The following EFHC2 variants were observed in gnomAD, a reference collection of about 807,000 sequenced individuals.
EFHC2 encodes EF-hand domain-containing family member C2.
A neutral mutation model predicts 52.7 loss-of-function variants in EFHC2; 18 were observed. The ratio of observed to expected loss-of-function variants is 0.34; its 90% CI spans 0.24 to 0.51. EFHC2 has a LOEUF of 0.51. Among genes scored for constraint, EFHC2 ranks in the 20% least tolerant of loss-of-function variants. EFHC2 has a pLI of 0.97. For missense variants in EFHC2, 513 were observed against 562.5 expected, an observed-to-expected ratio of 0.91 and a Z score of 0.89; for synonymous variants, 203 against 204.1, an observed-to-expected ratio of 0.99 and a Z score of 0.04.
chrX:44,229,776 G>C lies in EFHC2; in HGVS notation c.1624C>G (p.Pro542Ala). The change falls in exon 11 of 15, where the codon CCT becomes GCT. Residue 542 changes from proline to alanine, a missense_variant. Physicochemically the swap from Pro to Ala is conservative, Grantham distance 27. Coordinates refer to ENST00000420999, the MANE Select transcript of EFHC2 (RefSeq NM_025184.4). The stretch of plus-strand genomic sequence containing the variant: ...AGGGCAAGTTTGAGGTTACTGAAAG[G>C]ATACTGTAAGGGGGAAATGAAAGGA... ...NYMEQNTDKY[P>A]FSNLKLALQK... 8.3e-7 allele frequency: 1 copy of C among 1,207,560 alleles called. No homozygotes were observed. Among genetic ancestry groups the C allele is most frequent in the Non-Finnish European group, 1.1e-6 (1 of 893,447 alleles).
At chrX:44,278,604 G>A (rs546815562) in intron 2 of EFHC2, among the ~76,000 whole-genome samples, 1 of 111,187 alleles carries the variant, frequency 9.0e-6, no homozygotes, top group South Asian at 3.9e-4. Context: ...ATAACACCTA[G>A]GAAGGTCATT....
At chrX:44,300,251 G>A (rs886434204) in intron 2 of EFHC2, among the ~76,000 whole-genome samples, 4 of 111,099 alleles carry the variant, frequency 3.6e-5, no homozygotes, top group Admixed American at 1.9e-4. Context: ...CCTAATTTGT[G>A]AACTAAAATC....
chrX:44,195,598 T>G (rs754877770), intron 11 of EFHC2, among the ~76,000 whole-genome samples: 21 of 112,056 alleles, frequency 1.9e-4, no homozygotes, highest in Admixed American at 1.8e-3. Flanking sequence ...CAAACCCCAG[T>G]GTTAAGCTGG....
chrX:44,201,901 T>C (rs1017809118), intron 11 of EFHC2, among the ~76,000 whole-genome samples: 3 of 111,235 alleles, frequency 2.7e-5, no homozygotes, highest in Non-Finnish European at 5.7e-5. Flanking sequence ...CTAAAGAAAA[T>C]ATCTGCATCT....
chrX:44,319,823 A>G (rs779002714), intron 1 of EFHC2, among the ~76,000 whole-genome samples: 1 of 112,808 alleles, frequency 8.9e-6, no homozygotes, highest in South Asian at 3.6e-4. Context: ...ATGTAGATAC[A>G]TTTTTTAAAT....
In EFHC2 at chrX:44,309,756, T is replaced by C. The variant is rs938258944; in HGVS notation, c.231+2812A>G. 6.1e-6 allele frequency: 6 copies of C among 982,406 alleles called. No homozygotes were observed. The East Asian group carries it at 1.2e-4, about 20-fold the overall frequency. The allele number at this position is 982,406 out of a possible 1,213,427, so 81.0% of individuals were successfully genotyped here. A position where few individuals can be genotyped will look rare whatever the true frequency, so the allele number is the denominator to read the frequency against. ...CTCGTTTCTTGAGCCAGAATATCGA[T>C]GCAAAAGAACCAGAAAAGAAGATGC... On this transcript the variant is annotated intron_variant, in intron 2 of 14. Coordinates refer to ENST00000420999, the MANE Select transcript of EFHC2 (RefSeq NM_025184.4).
At chrX:44,258,630 A>G (rs2037512252) in intron 4 of EFHC2, among the ~76,000 whole-genome samples, 1 of 110,634 alleles carries the variant, frequency 9.0e-6, no homozygotes, top group Non-Finnish European at 1.9e-5. Flanking sequence ...AGGCAGGTGG[A>G]TCACGAGGTC....
At chrX:44,320,537 C>G (rs1422558864) in intron 1 of EFHC2, among the ~76,000 whole-genome samples, 1 of 111,516 alleles carries the variant, frequency 9.0e-6, no homozygotes, top group African/African-American at 3.3e-5. Flanking sequence ...TCCATATTCA[C>G]GTGGGTCCTA....
intron 11 of EFHC2, among the ~76,000 whole-genome samples, chrX:44,225,259 A>C (rs1364677085): frequency 8.2e-5 from 9 of 110,140 alleles, no homozygotes; most frequent in Admixed American, 4.8e-4. Context: ...TTAAAAAAAA[A>C]AAAAACAAAA....
intron 2 of EFHC2, among the ~76,000 whole-genome samples, chrX:44,287,797 C>T (rs1211438937): frequency 8.9e-6 from 1 of 112,227 alleles, no homozygotes; most frequent in Non-Finnish European, 1.9e-5. Flanking sequence ...TCCAGAGTCA[C>T]AGAGCCTCTC....
chrX:44,179,059 G>A (rs2036813179), intron 11 of EFHC2, among the ~76,000 whole-genome samples: 1 of 108,081 alleles, frequency 9.3e-6, no homozygotes, highest in African/African-American at 3.4e-5. Flanking sequence ...ACACACCCTG[G>A]CAGTGAGAAA....
At chrX:44,168,739 A>G (rs1254714832) in intron 13 of EFHC2, among the ~76,000 whole-genome samples, 1 of 110,077 alleles carries the variant, frequency 9.1e-6, no homozygotes, top group South Asian at 3.9e-4. Context: ...CTAGAATACC[A>G]GTGGCCATGC....
chrX:44,312,423 A>G, intron 2 of EFHC2, 145 bp downstream of exon 2: 1 of 399,531 alleles, frequency 2.5e-6, no homozygotes, highest in Admixed American at 5.5e-5. Context: ...AACACTAAAA[A>G]TAAAGGCAAT....
At chrX:44,178,985 T>TAGAA (rs1438513326) in intron 11 of EFHC2, among the ~76,000 whole-genome samples, 1 of 110,848 alleles carries the variant, frequency 9.0e-6, no homozygotes, top group African/African-American at 3.3e-5. Flanking sequence ...GTTAATAAAT[T>TAGAA]AGAAAGGTGT....
intron 4 of EFHC2, among the ~76,000 whole-genome samples, chrX:44,259,286 C>T (rs2037519070): frequency 9.0e-6 from 1 of 110,908 alleles, no homozygotes; most frequent in Admixed American, 9.6e-5. Context: ...TCTCAGCAAA[C>T]TAACACAGGA....
At position 44,158,842 on chromosome X, in the gene EFHC2, A is replaced by T. The variant is rs138471030; in HGVS notation, c.2148+5080T>A. On this transcript the variant is annotated intron_variant, in intron 14 of 14. Transcript: ENST00000420999. ...TAGGCTCTCAGTTGATACCAAGAAC[A>T]GTCAACAGGGGCTTCAAGAGTAGTT... Among the ~76,000 whole-genome samples, 34 of 112,016 alleles carry T rather than the reference A, an allele frequency of 3.0e-4. 2 individuals carry two copies. The East Asian group carries it at 9.5e-3, about 31-fold the overall frequency.
chrX:44,304,689 A>T (rs897409160), intron 2 of EFHC2, among the ~76,000 whole-genome samples: 1 of 111,210 alleles, frequency 9.0e-6, no homozygotes, highest in African/African-American at 3.3e-5. Flanking sequence ...GAATTCAATG[A>T]AATAACGAAG....
intron 2 of EFHC2, among the ~76,000 whole-genome samples, chrX:44,286,997 G>A (rs1262750723): frequency 1.2e-5 from 1 of 80,623 alleles, no homozygotes; most frequent in African/African-American, 5.1e-5. Flanking sequence ...CTGCACTCCA[G>A]CCTGGCAACA....
chrX:44,158,087 G>T (rs1433167329), intron 14 of EFHC2, among the ~76,000 whole-genome samples: 2 of 111,020 alleles, frequency 1.8e-5, no homozygotes, highest in Non-Finnish European at 3.8e-5. Flanking sequence ...CTTGTTCCTG[G>T]TTTCTGACCT....
Sources: allele counts gnomAD v4.1 joint callset (sites outside exome capture counted in the v4.1 genomes callset), GRCh38; gene constraint gnomAD v4.1.1; transcripts MANE v1.5; gene names NCBI Gene and HGNC (gene_info 2026-07-23, HGNC 2026-07-21).